The following LRP1B variants were observed in gnomAD, a reference collection of about 807,000 sequenced individuals.
LRP1B encodes the protein low-density lipoprotein receptor-related protein 1B.
In LRP1B, 217 loss-of-function variants were observed where a neutral mutation model predicts 556.6. That is an observed-to-expected ratio of 0.39 (90% CI 0.35 to 0.44). The LOEUF is 0.44. LRP1B is among the 20% of genes least tolerant of loss of function. LRP1B has a pLI of 1.00. For synonymous variants in LRP1B, 2,047 were observed against 1,865.8 expected (o/e 1.10, Z -2.50); for missense variants, 5,053 against 5,620.8 (o/e 0.90, Z 3.23).
chr2:141,987,549 G>GTTTTTTTTTTTTTTTTTTTTTTTTT (rs5834887), intron 1 of LRP1B, among the ~76,000 whole-genome samples: 1 of 139,980 alleles, frequency 7.1e-6, no homozygotes, highest in Non-Finnish European at 1.5e-5. Context: ...GATTTAAGCT[G>GTTTTTTTTTTTTTTTTTTTTTTTTT]TTTTTTTTTT....
At chr2:140,779,945 A>G (rs893615697) in intron 32 of LRP1B, among the ~76,000 whole-genome samples, 2 of 152,050 alleles carry the variant, frequency 1.3e-5, no homozygotes, top group African/African-American at 2.4e-5. Context: ...TGGCAAAGGA[A>G]AGCCCCAGAA....
At chr2:140,449,079 A>G (rs1332265094) in intron 63 of LRP1B, among the ~76,000 whole-genome samples, 2 of 152,182 alleles carry the variant, frequency 1.3e-5, no homozygotes, top group Admixed American at 6.6e-5. Flanking sequence ...TCACATCAAT[A>G]TGGTTCCAGG....
chr2:140,527,577 G>A (rs1360288514), intron 47 of LRP1B, among the ~76,000 whole-genome samples: 1 of 151,800 alleles, frequency 6.6e-6, no homozygotes, highest in Non-Finnish European at 1.5e-5. Flanking sequence ...TTTACAATTT[G>A]CAATTATAAT....
At chr2:140,739,053 C>G (rs992272149) in intron 35 of LRP1B, among the ~76,000 whole-genome samples, 2 of 152,144 alleles carry the variant, frequency 1.3e-5, no homozygotes, top group Admixed American at 6.5e-5. Context: ...CTGCCACATT[C>G]CCCATTAAGC....
intron 79 of LRP1B, among the ~76,000 whole-genome samples, chr2:140,331,352 C>T (rs1226342332): frequency 6.6e-6 from 1 of 152,022 alleles, no homozygotes; most frequent in Admixed American, 6.6e-5. Context: ...TGCTTACCTG[C>T]CACACACTTG....
At chr2:141,153,531 T>C (rs192043540) in intron 7 of LRP1B, among the ~76,000 whole-genome samples, 2,465 of 127,746 alleles carry the variant, frequency 0.019, 113 homozygotes, top group African/African-American at 0.072. Context: ...TATATATTTA[T>C]ATATAATATA....
At chr2:141,880,716 T>G (rs1698929325) in intron 1 of LRP1B, among the ~76,000 whole-genome samples, 1 of 152,038 alleles carries the variant, frequency 6.6e-6, no homozygotes, top group South Asian at 2.1e-4. Context: ...TGGAAAAAAG[T>G]ATCAATAATT....
chr2:141,383,204 A>T (rs1430644277), intron 3 of LRP1B, among the ~76,000 whole-genome samples: 1 of 152,184 alleles, frequency 6.6e-6, no homozygotes, highest in Non-Finnish European at 1.5e-5. Flanking sequence ...GGCTATCAGA[A>T]AGTCAAAAGA....
At chr2:141,604,686 A>G (rs1687853822) in intron 2 of LRP1B, among the ~76,000 whole-genome samples, 2 of 151,798 alleles carry the variant, frequency 1.3e-5, no homozygotes, top group Non-Finnish European at 2.9e-5. Flanking sequence ...ATATTCAAAA[A>G]CCAATCAGTA....
At chr2:140,624,194 A>C (rs999400016) in intron 41 of LRP1B, among the ~76,000 whole-genome samples, 1 of 151,810 alleles carries the variant, frequency 6.6e-6, no homozygotes, top group African/African-American at 2.4e-5. Context: ...TCACAGAAAA[A>C]ATTCGGCCAA....
chr2:142,059,899 G>C (rs948841760), intron 1 of LRP1B, among the ~76,000 whole-genome samples: 1 of 151,992 alleles, frequency 6.6e-6, no homozygotes, highest in African/African-American at 2.4e-5. Context: ...TATGTGTTAA[G>C]TACATAGTTG....
At chr2:140,837,756 C>T (rs1339246941) in intron 31 of LRP1B, among the ~76,000 whole-genome samples, 1 of 147,852 alleles carries the variant, frequency 6.8e-6, no homozygotes, top group Non-Finnish European at 1.5e-5. Context: ...CACATGGACA[C>T]AGGAAGGGGA....
At chr2:142,101,229 G>A (rs1196331010) in intron 1 of LRP1B, among the ~76,000 whole-genome samples, 1 of 151,974 alleles carries the variant, frequency 6.6e-6, no homozygotes, top group Non-Finnish European at 1.5e-5. Context: ...CCTTGGCATT[G>A]TAGGTTGGCA....
At chr2:142,032,537 A>G (rs1418532621) in intron 1 of LRP1B, among the ~76,000 whole-genome samples, 2 of 151,774 alleles carry the variant, frequency 1.3e-5, no homozygotes, top group Non-Finnish European at 2.9e-5. Flanking sequence ...TTATTACCCC[A>G]AACATTAGCT....
intron 3 of LRP1B, among the ~76,000 whole-genome samples, chr2:141,293,499 GT>G (rs1326079669): frequency 1.3e-5 from 2 of 152,114 alleles, no homozygotes; most frequent in Non-Finnish European, 2.9e-5. Context: ...CATAGCTGTT[GT>G]ATAGCTCATC....
At chr2:140,752,342 T>C (rs1688609933) in intron 35 of LRP1B, among the ~76,000 whole-genome samples, 1 of 100,392 alleles carries the variant, frequency 1.0e-5, no homozygotes, top group Non-Finnish European at 2.2e-5. Context: ...TTTTTTTTAA[T>C]AGGCAGAGTC....
intron 11 of LRP1B, among the ~76,000 whole-genome samples, chr2:141,040,911 A>G (rs1487645988): frequency 6.6e-6 from 1 of 152,126 alleles, no homozygotes; most frequent in Non-Finnish European, 1.5e-5. Context: ...ATTTGACAGA[A>G]AGAGACTGCT....
At chr2:140,977,066 G>A (rs561681842) in intron 18 of LRP1B, among the ~76,000 whole-genome samples, 1 of 152,142 alleles carries the variant, frequency 6.6e-6, no homozygotes, top group African/African-American at 2.4e-5. Context: ...ATCATGAAAT[G>A]CCCTTATATT....
chr2:140,772,034 G>T (rs1478927978), intron 33 of LRP1B, among the ~76,000 whole-genome samples: 2 of 152,096 alleles, frequency 1.3e-5, no homozygotes, highest in Non-Finnish European at 2.9e-5. Context: ...CTCTCAACTT[G>T]GGAGATTTCT....
Sources: gnomAD v4.1 joint callset for allele counts (sites outside exome capture counted in the v4.1 genomes callset) on GRCh38, gnomAD v4.1.1 for gene constraint, MANE v1.5 for transcripts, NCBI Gene and HGNC (gene_info 2026-07-23, HGNC 2026-07-21) for gene names.